Variants in AIG1 observed in about 807,000 individuals in gnomAD.
AIG1 encodes androgen induced 1.
In AIG1, 23 loss-of-function variants were observed where a neutral mutation model predicts 31.4. The observed-to-expected ratio is 0.73, with a 90% CI of 0.53 to 1.04. The LOEUF is 1.04. Ranked by LOEUF, AIG1 falls within the 50% of genes least tolerant of loss-of-function variation. The pLI, the probability that AIG1 is intolerant of heterozygous loss-of-function variation, is 0.00. For missense variants in AIG1, 274 were observed against 295.0 expected (o/e 0.93, Z 0.52); for synonymous variants, 100 against 110.5 (o/e 0.90, Z 0.60).
chr6:143,226,480 G>A (rs1358384184), intron 3 of AIG1, among the ~76,000 whole-genome samples: 1 of 151,512 alleles, frequency 6.6e-6, no homozygotes, highest in Non-Finnish European at 1.5e-5. Context: ...TCTTGACCTC[G>A]TGATCCACCC....
chr6:143,123,828 T>C (rs1296872924), intron 1 of AIG1, among the ~76,000 whole-genome samples: 1 of 152,252 alleles, frequency 6.6e-6, no homozygotes, highest in Admixed American at 6.5e-5. Flanking sequence ...GCCTTCTTTA[T>C]CTAACATAAG....
intron 3 of AIG1, among the ~76,000 whole-genome samples, chr6:143,266,346 C>CAAAAAA (rs398002969): frequency 6.4e-5 from 6 of 93,176 alleles, no homozygotes; most frequent in African/African-American, 8.0e-5. Context: ...GAGTCCGTCT[C>CAAAAAA]AAAAAAAAAA....
chr6:143,278,544 C>T (rs1392279053), intron 3 of AIG1, among the ~76,000 whole-genome samples: 1 of 151,200 alleles, frequency 6.6e-6, no homozygotes, highest in African/African-American at 2.4e-5. Context: ...TCTCGGCTCA[C>T]TGCAACCTCT....
At position 143,268,749 on chromosome 6, in the gene AIG1, G is replaced by A. The variant is rs536374202; in HGVS notation, c.400-15361G>A. Among the ~76,000 whole-genome samples the A allele has an allele frequency of 1.2e-4, 18 of 152,346 alleles. No homozygotes were observed. The highest frequency in any genetic ancestry group is 4.3e-4 in the African/African-American group (18 of 41,588). ...GTTCAGACTAGCTGTATTACTTGGTGTAGTGTTAACCATGTTTGGTGGATG... is the reference window on the plus strand; with the variant it reads ...GTTCAGACTAGCTGTATTACTTGGTATAGTGTTAACCATGTTTGGTGGATG... On this transcript the variant is annotated intron_variant, in intron 3 of 5. Transcript: ENST00000357847. This position sits in a 1 kb window ranked among gnomAD's most constrained non-coding sequence, Gnocchi z 5.0.
intron 3 of AIG1, among the ~76,000 whole-genome samples, chr6:143,270,991 G>T (rs557580945): frequency 4.0e-4 from 61 of 152,318 alleles, no homozygotes; most frequent in African/African-American, 1.4e-3. Context: ...AATGCCATTT[G>T]CAGGGTGCTT....
At chr6:143,332,701 T>A (rs973664890) in intron 4 of AIG1, among the ~76,000 whole-genome samples, 3 of 152,258 alleles carry the variant, frequency 2.0e-5, no homozygotes, top group African/African-American at 7.2e-5. Flanking sequence ...TGTCTCATTC[T>A]GTAAAGAAGA....
At position 143,140,292 on chromosome 6, in the gene AIG1, G is replaced by A. The variant is rs145799215; in HGVS notation, c.297+3302G>A. On this transcript the variant is annotated intron_variant, in intron 2 of 5. Coordinates refer to ENST00000357847, the MANE Select transcript of AIG1 (RefSeq NM_016108.4). Reference sequence around the variant, plus strand: ...AGCTACAATTCAAGATGAGATTTGCGTGGGGACACAGCCAAACTATATCAG... The same window carrying A: ...AGCTACAATTCAAGATGAGATTTGCATGGGGACACAGCCAAACTATATCAG... 8.4e-3 allele frequency among the ~76,000 whole-genome samples: 1,278 copies of A among 152,226 alleles called. 19 individuals are homozygous for A. The highest frequency in any genetic ancestry group is 0.027 in the African/African-American group (1,113 of 41,530).
chr6:143,330,679 C>T lies in AIG1; in HGVS notation c.516-2603C>T, dbSNP rs570821678. Reference sequence around the variant, plus strand: ...GACTCACATTTAATCCAGATCCATCCGACTGCTCCAGTGCAAACACCCTGT... The same window carrying T: ...GACTCACATTTAATCCAGATCCATCTGACTGCTCCAGTGCAAACACCCTGT... On this transcript the variant is annotated intron_variant, in intron 4 of 5. Transcript: ENST00000357847. The surrounding 1 kb of genome is among the most constrained non-coding windows in gnomAD (Gnocchi z 4.4). Among the ~76,000 whole-genome samples the T allele has an allele frequency of 9.2e-5, 14 of 152,210 alleles. No homozygotes were observed. Among genetic ancestry groups the T allele is most frequent in the African/African-American group, 1.9e-4 (8 of 41,526 alleles).
chr6:143,061,644 G>T, intron 1 of AIG1: 1 of 263,070 alleles, frequency 3.8e-6, no homozygotes, highest in East Asian at 9.1e-5. Flanking sequence ...CCTTTACCCC[G>T]TACATATTAG....
At chr6:143,308,580 G>A (rs1774994092) in intron 4 of AIG1, among the ~76,000 whole-genome samples, 1 of 152,168 alleles carries the variant, frequency 6.6e-6, no homozygotes, top group South Asian at 2.1e-4. Flanking sequence ...TTGTTATGCT[G>A]TCTGGCTTGT....
intron 3 of AIG1, among the ~76,000 whole-genome samples, chr6:143,182,450 C>A (rs1466418422): frequency 6.6e-6 from 1 of 152,038 alleles, no homozygotes; most frequent in Non-Finnish European, 1.5e-5. Flanking sequence ...CCTTGAGCAC[C>A]CCAGGTACAC....
At chr6:143,117,477 G>C (rs1781837121) in intron 1 of AIG1, among the ~76,000 whole-genome samples, 1 of 152,168 alleles carries the variant, frequency 6.6e-6, no homozygotes, top group Non-Finnish European at 1.5e-5. Context: ...GCAGGGTTTA[G>C]AGCTGAGTTA....
chr6:143,311,825 A>G (rs1030384573), intron 4 of AIG1, among the ~76,000 whole-genome samples: 3 of 151,766 alleles, frequency 2.0e-5, no homozygotes, highest in African/African-American at 7.2e-5. Context: ...AGACTCCAAC[A>G]AAAAAACTGT....
rs761823929 is a variant in AIG1 at position 143,333,276 on chromosome 6, T to C, written c.516-6T>C. 1.2e-6 allele frequency: 2 copies of C among 1,601,622 alleles called. No homozygotes were observed. Among genetic ancestry groups the C allele is most frequent in the Non-Finnish European group, 1.7e-6 (2 of 1,174,766 alleles). The stretch of plus-strand genomic sequence containing the variant: ...TGTCCTTGTCTCCTTTCCGATTCTT[T>C]TGCAGGGTGTGCTGGGTGCATCATG... On this transcript the variant is annotated splice_region_variant and splice_polypyrimidine_tract_variant and intron_variant, in intron 4 of 5. Coordinates refer to ENST00000357847, the MANE Select transcript of AIG1 (RefSeq NM_016108.4). The surrounding 1 kb of genome is among the most constrained non-coding windows in gnomAD (Gnocchi z 4.6).
At chr6:143,261,155 A>G (rs571467842) in intron 3 of AIG1, among the ~76,000 whole-genome samples, 11 of 152,178 alleles carry the variant, frequency 7.2e-5, no homozygotes, top group African/African-American at 9.6e-5. Flanking sequence ...CTTTTGAGAC[A>G]GAGTCTCCCT....
chr6:143,343,588 C>T (rs905327420), downstream of AIG1, among the ~76,000 whole-genome samples: 4 of 151,746 alleles, frequency 2.6e-5, no homozygotes, highest in African/African-American at 9.7e-5. Flanking sequence ...ACATCTAGTT[C>T]GTAAAAAATA....
At chr6:143,072,230 G>T (rs1255411243) in intron 1 of AIG1, among the ~76,000 whole-genome samples, 1 of 152,094 alleles carries the variant, frequency 6.6e-6, no homozygotes, top group Non-Finnish European at 1.5e-5. Flanking sequence ...GTTGTTTATT[G>T]TTAGTGTATA....
chr6:143,132,706 T>C (rs1783357837), intron 1 of AIG1, among the ~76,000 whole-genome samples: 1 of 152,034 alleles, frequency 6.6e-6, no homozygotes, highest in Admixed American at 6.5e-5. Context: ...GACTGCTTGA[T>C]ATTTTCTCAC....
chr6:143,230,818 T>A (rs2128631457), intron 3 of AIG1, among the ~76,000 whole-genome samples: 1 of 152,296 alleles, frequency 6.6e-6, no homozygotes, highest in African/African-American at 2.4e-5. Context: ...ATTTGAGAAC[T>A]ATTAATCAAC....
Sources: allele counts gnomAD v4.1 joint callset (sites outside exome capture counted in the v4.1 genomes callset), GRCh38; gene constraint gnomAD v4.1.1; non-coding constraint Gnocchi (gnomAD v3.1); transcripts MANE v1.5; gene names NCBI Gene and HGNC (gene_info 2026-07-23, HGNC 2026-07-21).